Variants in TOP1 observed in about 807,000 individuals in gnomAD.
TOP1 encodes the protein DNA topoisomerase I, also known as DNA topoisomerase 1.
TOP1 carries 10 observed loss-of-function variants against 111.1 expected under a neutral mutation model. The ratio of observed to expected loss-of-function variants is 0.09; its 90% CI spans 0.06 to 0.15. The LOEUF (loss-of-function observed/expected upper bound fraction) is 0.15, where lower values mean the gene tolerates loss of function less well. Among genes scored for constraint, TOP1 ranks in the 10% least tolerant of loss-of-function variants. The pLI, the probability that TOP1 is intolerant of heterozygous loss-of-function variation, is 1.00. For missense variants in TOP1, 474 were observed against 926.7 expected, an observed-to-expected ratio of 0.51 and a Z score of 6.34; for synonymous variants, 271 against 302.9, an observed-to-expected ratio of 0.89 and a Z score of 1.10.
chr20:41,073,393 G>GA (rs1030255254), intron 3 of TOP1: 12 of 975,844 alleles, frequency 1.2e-5, no homozygotes, highest in Non-Finnish European at 1.3e-5. Context: ...AAAAAAGAAA[G>GA]AAAGAAAAGA....
At position 41,067,847 on chromosome 20, in the gene TOP1, C is replaced by G. The variant is rs890615697; in HGVS notation, c.155+6357C>G. ...CAAAATGGGGCTATGGATCCACATC[C>G]CAGAAGATGCCATTTGGTTTCCTCT... On this transcript the variant is annotated intron_variant, in intron 3 of 20. Coordinates refer to ENST00000361337, the MANE Select transcript of TOP1 (RefSeq NM_003286.4). The surrounding 1 kb of genome is among the most constrained non-coding windows in gnomAD (Gnocchi z 4.0). Among the ~76,000 whole-genome samples the G allele has an allele frequency of 3.3e-5, 5 of 152,176 alleles. No homozygotes were observed. The highest frequency in any genetic ancestry group is 6.5e-5 in the Admixed American group (1 of 15,290).
At chr20:41,066,883 T>A (rs553780310) in intron 3 of TOP1, among the ~76,000 whole-genome samples, 1 of 152,172 alleles carries the variant, frequency 6.6e-6, no homozygotes, top group African/African-American at 2.4e-5. Context: ...TTTTCTTCAT[T>A]CCTATAAAAA....
rs1479730377 is a variant in TOP1, at chr20:41,102,248, G to C, written c.1308+895G>C. On this transcript the variant is annotated intron_variant, in intron 13 of 20. Coordinates refer to ENST00000361337, the MANE Select transcript of TOP1 (RefSeq NM_003286.4). This position sits in a 1 kb window ranked among gnomAD's most constrained non-coding sequence, Gnocchi z 4.0. ...TGTACATTTTCTGGCTTGTAGCCCT[G>C]TGTTCTTCTGTATATCACTACTTTT... Among the ~76,000 whole-genome samples the C allele has an allele frequency of 2.0e-5, 3 of 152,212 alleles. No individual in the cohort carries two copies. The highest frequency in any genetic ancestry group is 1.3e-4 in the Admixed American group (2 of 15,282).
Position 41,100,689 on chromosome 20 carries a change from T to C in TOP1, c.1163+446T>C, listed in dbSNP as rs1199936078. On this transcript the variant is annotated intron_variant, in intron 12 of 20. Coordinates refer to ENST00000361337, the MANE Select transcript of TOP1 (RefSeq NM_003286.4). This position sits in a 1 kb window ranked among gnomAD's most constrained non-coding sequence, Gnocchi z 4.4. Reference sequence around the variant, plus strand: ...TCTTAGCAACTTCACCATACAGTTTTTTTTATTAAGTCGATAATTTCCACC... The same window carrying C: ...TCTTAGCAACTTCACCATACAGTTTCTTTTATTAAGTCGATAATTTCCACC... 6.2e-6 allele frequency: 1 copy of C among 162,008 alleles called. No individual in the cohort carries two copies. Among genetic ancestry groups the C allele is most frequent in the East Asian group, 1.8e-4 (1 of 5,558 alleles). 10.0% of individuals were successfully genotyped at this position (162,008 alleles called of 1,614,324 possible).
rs1437287185 is a variant in TOP1 at position 41,106,444 on chromosome 20, G to C, written c.1308+5091G>C. On this transcript the variant is annotated intron_variant, in intron 13 of 20. Transcript: ENST00000361337. The surrounding 1 kb of genome is among the most constrained non-coding windows in gnomAD (Gnocchi z 4.3). ...TTAACAAATTCTAATAAAAACTGTT[G>C]AGATTTTTATTGGAATTGCAATACA... 1.3e-5 allele frequency among the ~76,000 whole-genome samples: 2 copies of C among 152,128 alleles called. No individual in the cohort carries two copies. Among genetic ancestry groups the C allele is most frequent in the African/African-American group, 2.4e-5 (1 of 41,418 alleles).
intron 9 of TOP1, among the ~76,000 whole-genome samples, chr20:41,093,993 C>T (rs2145946904): frequency 6.6e-6 from 1 of 152,244 alleles, no homozygotes; most frequent in East Asian, 1.9e-4. Flanking sequence ...GCAGAGATTG[C>T]AGTGAGCCTA....
rs1239292611 is a variant in TOP1 at position 41,109,401 on chromosome 20, T to C, written c.1309-3381T>C. 6.6e-6 allele frequency among the ~76,000 whole-genome samples: 1 copy of C among 152,164 alleles called. No homozygotes were observed. The highest frequency in any genetic ancestry group is 1.5e-5 in the Non-Finnish European group (1 of 68,032). On this transcript the variant is annotated intron_variant, in intron 13 of 20. Coordinates refer to ENST00000361337, the MANE Select transcript of TOP1 (RefSeq NM_003286.4). The surrounding 1 kb of genome is among the most constrained non-coding windows in gnomAD (Gnocchi z 4.1). ...TTGTAGGTGATATCATGGTTGAATA[T>C]GACCTTAGAGTAGATTCCTTAGGAC...
intron 13 of TOP1, among the ~76,000 whole-genome samples, chr20:41,111,602 CTT>C (rs1163578974): frequency 1.5e-4 from 18 of 117,134 alleles, no homozygotes; most frequent in Middle Eastern, 4.0e-3. Context: ...CCCCCGCCCC[CTT>C]TTTTTTTTTT....
Position 41,030,304 on chromosome 20 carries a change from A to G in TOP1, c.58+849A>G, listed in dbSNP as rs1038610887. On this transcript the variant is annotated intron_variant, in intron 2 of 20. Transcript: ENST00000361337. This position sits in a 1 kb window ranked among gnomAD's most constrained non-coding sequence, Gnocchi z 4.1. ...AAACGCAGTTTAGTGTACTTGTTGG[A>G]AGGAAAGATTGTTGAGCATCTCTTG... is the stretch of plus-strand genomic sequence containing the variant. Among the ~76,000 whole-genome samples, 5 of 152,166 alleles carry G rather than the reference A, an allele frequency of 3.3e-5. No individual in the cohort carries two copies. The highest frequency in any genetic ancestry group is 1.2e-4 in the African/African-American group (5 of 41,440).
At position 41,100,441 on chromosome 20, in the gene TOP1, C is replaced by T. The variant is rs1266851329; in HGVS notation, c.1163+198C>T. On this transcript the variant is annotated intron_variant, in intron 12 of 20. Coordinates refer to ENST00000361337, the MANE Select transcript of TOP1 (RefSeq NM_003286.4). This position sits in a 1 kb window ranked among gnomAD's most constrained non-coding sequence, Gnocchi z 4.4. ...CATCCACAGGGGATATGTTCCAAGA[C>T]CCCCAGTGGATGCCTGCAACTTCGA... Among the ~76,000 whole-genome samples the T allele has an allele frequency of 6.6e-6, 1 of 152,112 alleles. No homozygotes were observed. Among genetic ancestry groups the T allele is most frequent in the Non-Finnish European group, 1.5e-5 (1 of 68,026 alleles).
chr20:41,081,308 C>A (rs2033785819), intron 7 of TOP1, 68 bp downstream of exon 7: 1 of 1,516,922 alleles, frequency 6.6e-7, no homozygotes, highest in South Asian at 1.3e-5. Flanking sequence ...TAAGCAACTT[C>A]TTAAGACAAA....
rs368904027 is a variant in TOP1, at chr20:41,077,559, G to A, written c.280-23G>A. ...CAAATTTAGTCCTTTCAAGGTACTA[G>A]TTACTGTTGTTTTACTTTTCAGGTT... is the stretch of plus-strand genomic sequence containing the variant. On this transcript the variant is annotated intron_variant, in intron 4 of 20. Coordinates refer to ENST00000361337, the MANE Select transcript of TOP1 (RefSeq NM_003286.4). 7.5e-6 allele frequency: 12 copies of A among 1,608,484 alleles called. No individual in the cohort carries two copies. In the African/African-American group the frequency reaches 1.3e-4, roughly 18 times the overall value.
intron 3 of TOP1, among the ~76,000 whole-genome samples, chr20:41,066,828 A>G (rs1440933145): frequency 6.6e-6 from 1 of 152,040 alleles, no homozygotes; most frequent in Admixed American, 6.5e-5. Flanking sequence ...TCTTGGGATT[A>G]CAGGCGTGAG....
chr20:41,063,332 A>G (rs60567093), intron 3 of TOP1, among the ~76,000 whole-genome samples: 10,532 of 152,222 alleles, frequency 0.069, 1,109 homozygotes, highest in African/African-American at 0.23. Context: ...TCTTTATCCA[A>G]TCCATCATTG....
Position 41,097,188 on chromosome 20 carries a change from A to C in TOP1, c.731-32A>C. Reference sequence around the variant, plus strand: ...TTTATGCTTAGAACATGAATACTATACCTCACTTTTTGGAACCACTTTTTT... The same window carrying C: ...TTTATGCTTAGAACATGAATACTATCCCTCACTTTTTGGAACCACTTTTTT... On this transcript the variant is annotated intron_variant, in intron 9 of 20. Transcript: ENST00000361337. This position sits in a 1 kb window ranked among gnomAD's most constrained non-coding sequence, Gnocchi z 4.2. 1 of 1,608,920 alleles carries C rather than the reference A, an allele frequency of 6.2e-7. No homozygotes were observed. The highest frequency in any genetic ancestry group is 8.5e-7 in the Non-Finnish European group (1 of 1,178,566).
At chr20:41,117,969 A>G (rs2034360776) in intron 17 of TOP1, among the ~76,000 whole-genome samples, 200 bp from the exon 18 acceptor site, 1 of 152,204 alleles carries the variant, frequency 6.6e-6, no homozygotes, top group African/African-American at 2.4e-5. Flanking sequence ...CCAAGCTTAC[A>G]TATAAACTTC....
rs2034001179 is a variant in TOP1, at chr20:41,097,685, T to C, written c.852+344T>C. ...GTTGCAAAGAGAAATGTTAATCTGATGTCCCTCTCGCTGTTAATTCTTGCT... is the reference window on the plus strand; with the variant it reads ...GTTGCAAAGAGAAATGTTAATCTGACGTCCCTCTCGCTGTTAATTCTTGCT... On this transcript the variant is annotated intron_variant, in intron 10 of 20. Transcript: ENST00000361337. The surrounding 1 kb of genome is among the most constrained non-coding windows in gnomAD (Gnocchi z 4.2). 6.6e-6 allele frequency among the ~76,000 whole-genome samples: 1 copy of C among 152,228 alleles called. No homozygotes were observed.
At position 41,118,285 on chromosome 20, in the gene TOP1, T is replaced by C. The variant is rs200369400; in HGVS notation, c.1939T>C (p.Leu647=). ...PKTFEKSMMN[L]QTKIDAKKEQ... Reference sequence around the variant, plus strand: ...AACTTTTGAGAAGTCTATGATGAACTTGCAAACTAAGGTATCTTGGATAAA... The same window carrying C: ...AACTTTTGAGAAGTCTATGATGAACCTGCAAACTAAGGTATCTTGGATAAA... The change falls in exon 18 of 21, where the codon TTG becomes CTG. Residue 647 remains leucine, a synonymous_variant. Coordinates refer to ENST00000361337, the MANE Select transcript of TOP1 (RefSeq NM_003286.4). The surrounding 1 kb of genome is among the most constrained non-coding windows in gnomAD (Gnocchi z 4.6). The C allele has an allele frequency of 6.2e-7, 1 of 1,614,110 alleles. No individual in the cohort carries two copies.
At chr20:41,057,496 A>G (rs1290911016) in intron 2 of TOP1, among the ~76,000 whole-genome samples, 3 of 152,120 alleles carry the variant, frequency 2.0e-5, no homozygotes, top group Non-Finnish European at 4.4e-5. Flanking sequence ...CTTTTTAGTG[A>G]TTTAAGCAAA....
Sources: gnomAD v4.1 joint callset for allele counts (sites outside exome capture counted in the v4.1 genomes callset) on GRCh38, gnomAD v4.1.1 for gene constraint, Gnocchi (gnomAD v3.1) non-coding constraint, MANE v1.5 for transcripts, NCBI Gene and HGNC (gene_info 2026-07-23, HGNC 2026-07-21) for gene names.